Variants in WDR49 observed in about 807,000 individuals in gnomAD.
WDR49 encodes the protein WD repeat domain 49.
Under a neutral mutation model 119.5 loss-of-function variants are expected in WDR49, and 107 were observed. The observed-to-expected ratio is 0.90, with a 90% CI of 0.77 to 1.05. The LOEUF (loss-of-function observed/expected upper bound fraction) is 1.05, where lower values mean the gene tolerates loss of function less well. WDR49 is among the 50% of genes least tolerant of loss of function. The probability of loss-of-function intolerance (pLI) is 0.00; values close to 1 mark genes in which losing one functional copy is unlikely to be tolerated. For missense variants in WDR49, 1,240 were observed against 1,220.5 expected, an observed-to-expected ratio of 1.02 and a Z score of -0.24; for synonymous variants, 425 against 418.8, an observed-to-expected ratio of 1.01 and a Z score of -0.18.
intron 18 of WDR49, among the ~76,000 whole-genome samples, chr3:167,487,327 T>TAACTG (rs1316515375): frequency 5.3e-5 from 8 of 152,150 alleles, no homozygotes; most frequent in African/African-American, 1.9e-4. Flanking sequence ...GCTAACCATA[T>TAACTG]GCAGACAATT....
intron 10 of WDR49, among the ~76,000 whole-genome samples, chr3:167,548,359 T>C (rs572099510): frequency 4.6e-5 from 7 of 152,166 alleles, no homozygotes; most frequent in Non-Finnish European, 1.0e-4. Flanking sequence ...TAGATTATCA[T>C]AGTCATGTTA....
intron 16 of WDR49, among the ~76,000 whole-genome samples, chr3:167,513,638 A>G (rs1393493846): frequency 6.6e-6 from 1 of 152,210 alleles, no homozygotes; most frequent in Non-Finnish European, 1.5e-5. Flanking sequence ...AATGGGCTAA[A>G]TACCCCAATT....
intron 5 of WDR49, among the ~76,000 whole-genome samples, chr3:167,615,310 G>A (rs991125824): frequency 6.6e-5 from 10 of 152,000 alleles, no homozygotes; most frequent in Non-Finnish European, 7.4e-5. Flanking sequence ...TAATTCTTGT[G>A]TTTTTTATAG....
At chr3:167,515,467 A>G (rs1577209968) in intron 16 of WDR49, among the ~76,000 whole-genome samples, 1 of 152,350 alleles carries the variant, frequency 6.6e-6, no homozygotes, top group East Asian at 1.9e-4. Context: ...TGAATAAAAT[A>G]TATATTGAAG....
chr3:167,496,179 A>G (rs1453259569), intron 18 of WDR49, among the ~76,000 whole-genome samples: 1 of 152,174 alleles, frequency 6.6e-6, no homozygotes, highest in African/African-American at 2.4e-5. Context: ...ATAAATATGA[A>G]CATTGAAGAG....
Position 167,551,581 on chromosome 3 carries a change from G to A in WDR49, c.1823+3069C>T, listed in dbSNP as rs573334826. On this transcript the variant is annotated intron_variant, in intron 10 of 18. Coordinates refer to ENST00000682715, the MANE Select transcript of WDR49 (RefSeq NM_001366157.1). ...CTTTGGCACAGAATTCTAACTCAGC[G>A]GCCTACTAACTTTGTCACCTTGGCT... Among the ~76,000 whole-genome samples, 30 of 152,044 alleles carry A rather than the reference G, an allele frequency of 2.0e-4. No homozygotes were observed. The South Asian group carries it at 3.7e-3, about 19-fold the overall frequency.
At chr3:167,517,716 T>C (rs1362960923) in intron 16 of WDR49, among the ~76,000 whole-genome samples, 1 of 151,670 alleles carries the variant, frequency 6.6e-6, no homozygotes, top group Non-Finnish European at 1.5e-5. Flanking sequence ...TTTTTTTCTT[T>C]TCTTTTCTTT....
intron 18 of WDR49, among the ~76,000 whole-genome samples, chr3:167,495,555 TA>T (rs1346911165): frequency 6.8e-6 from 1 of 146,880 alleles, no homozygotes; most frequent in Admixed American, 6.7e-5. Flanking sequence ...ATTTGTGATA[TA>T]ATTAAACAGT....
At chr3:167,559,429 C>G (rs1377403139) in intron 9 of WDR49, among the ~76,000 whole-genome samples, 1 of 152,100 alleles carries the variant, frequency 6.6e-6, no homozygotes, top group African/African-American at 2.4e-5. Flanking sequence ...TATCAAGTAT[C>G]TAGTTTTTCA....
chr3:167,588,368 G>A (rs1714923960), intron 7 of WDR49, among the ~76,000 whole-genome samples: 1 of 152,070 alleles, frequency 6.6e-6, no homozygotes, highest in South Asian at 2.1e-4. Flanking sequence ...GGACACTTGG[G>A]TTGCTTCCTA....
At chr3:167,512,968 T>C (rs1052946568) in intron 16 of WDR49, among the ~76,000 whole-genome samples, 1 of 152,100 alleles carries the variant, frequency 6.6e-6, no homozygotes, top group Non-Finnish European at 1.5e-5. Flanking sequence ...TAACCAAACC[T>C]ATGACTGATT....
chr3:167,633,375 T>C (rs928355329), intron 2 of WDR49: 5 of 443,336 alleles, frequency 1.1e-5, no homozygotes, highest in African/African-American at 4.1e-5. Context: ...AATAGAAAGC[T>C]GTCCTAAGTG....
Position 167,623,396 on chromosome 3 carries a change from A to G in WDR49, c.607-1753T>C, listed in dbSNP as rs74946359. 3.2e-3 allele frequency among the ~76,000 whole-genome samples: 492 copies of G among 152,222 alleles called. 3 individuals carry two copies. The highest frequency in any genetic ancestry group is 0.011 in the African/African-American group (459 of 41,556). The stretch of plus-strand genomic sequence containing the variant: ...AGGTTTGTTTAACATACAAAAATCA[A>G]TCAATGTAATACTTCATATTAATGG... On this transcript the variant is annotated intron_variant, in intron 3 of 18. Coordinates refer to ENST00000682715, the MANE Select transcript of WDR49 (RefSeq NM_001366157.1).
intron 7 of WDR49, among the ~76,000 whole-genome samples, chr3:167,584,750 C>A (rs555131202): frequency 3.0e-4 from 45 of 151,824 alleles, no homozygotes; most frequent in African/African-American, 1.1e-3. Flanking sequence ...CAAAAATGAA[C>A]CATAAAGTTA....
At chr3:167,601,522 A>G (rs1281838467) in intron 7 of WDR49, among the ~76,000 whole-genome samples, 1 of 152,190 alleles carries the variant, frequency 6.6e-6, no homozygotes, top group African/African-American at 2.4e-5. Flanking sequence ...CAAGACTCTT[A>G]GAGATGAAGA....
At chr3:167,493,903 T>C (rs1473086701) in intron 18 of WDR49, among the ~76,000 whole-genome samples, 2 of 152,176 alleles carry the variant, frequency 1.3e-5, no homozygotes, top group Non-Finnish European at 2.9e-5. Flanking sequence ...TCGTCTGTAT[T>C]TCCTCTCTAA....
intron 2 of WDR49, among the ~76,000 whole-genome samples, chr3:167,647,131 A>G (rs2108345749): frequency 6.6e-6 from 1 of 152,302 alleles, no homozygotes; most frequent in East Asian, 1.9e-4. Flanking sequence ...TTTCAAAAGT[A>G]GCAGTGCCCT....
chr3:167,504,680 G>A (rs1419020190), intron 17 of WDR49, among the ~76,000 whole-genome samples: 2 of 152,148 alleles, frequency 1.3e-5, no homozygotes, highest in Non-Finnish European at 2.9e-5. Flanking sequence ...AATGGGAGAA[G>A]GACATGAGAT....
At chr3:167,573,251 C>T (rs1714037301) in intron 8 of WDR49, among the ~76,000 whole-genome samples, 2 of 152,148 alleles carry the variant, frequency 1.3e-5, no homozygotes, top group South Asian at 4.1e-4. Flanking sequence ...AGCTGGCAAA[C>T]TAAAGCTCAG....
Sources: gnomAD v4.1 joint callset for allele counts (sites outside exome capture counted in the v4.1 genomes callset) on GRCh38, gnomAD v4.1.1 for gene constraint, MANE v1.5 for transcripts, NCBI Gene and HGNC (gene_info 2026-07-23, HGNC 2026-07-21) for gene names.